VPS35L: variants seen among roughly 807,000 people sequenced by gnomAD.
VPS35L encodes VPS35 endosomal protein-sorting factor-like.
A neutral mutation model predicts 133.0 loss-of-function variants in VPS35L; 83 were observed. The ratio of observed to expected loss-of-function variants is 0.62; its 90% confidence interval spans 0.52 to 0.75. The LOEUF is 0.75. VPS35L is among the 30% of genes least tolerant of loss of function. The pLI is 0.00. For synonymous variants in VPS35L, 423 were observed against 449.9 expected (o/e 0.94, Z 0.76); for missense variants, 1,083 against 1,206.8 (o/e 0.90, Z 1.52).
intron 15 of VPS35L, among the ~76,000 whole-genome samples, chr16:19,626,847 C>T (rs1484275170): frequency 6.6e-6 from 1 of 152,160 alleles, no homozygotes; most frequent in Non-Finnish European, 1.5e-5. Flanking sequence ...ATTGATCTCC[C>T]TGACTCTCAC....
At chr16:19,694,803 T>G (rs1414696200) in intron 29 of VPS35L, among the ~76,000 whole-genome samples, 1 of 151,986 alleles carries the variant, frequency 6.6e-6, no homozygotes, top group African/African-American at 2.4e-5. Flanking sequence ...GTCAGAAGTT[T>G]GAGACCAGCC....
chr16:19,670,330 G>T (rs2151606338), intron 27 of VPS35L, among the ~76,000 whole-genome samples: 1 of 152,350 alleles, frequency 6.6e-6, no homozygotes, highest in Non-Finnish European at 1.5e-5. Context: ...GTGTCGCCCA[G>T]TGGGGAAGGG....
intron 14 of VPS35L, among the ~76,000 whole-genome samples, chr16:19,621,107 C>G (rs973072886): frequency 5.9e-5 from 9 of 152,004 alleles, no homozygotes; most frequent in Non-Finnish European, 1.3e-4. Context: ...TGTGTAATAA[C>G]ATGGAGAAGA....
At chr16:19,621,533 C>G (rs1973080949) in intron 14 of VPS35L, among the ~76,000 whole-genome samples, 1 of 152,216 alleles carries the variant, frequency 6.6e-6, no homozygotes, top group Non-Finnish European at 1.5e-5. Flanking sequence ...TCTGAATCTT[C>G]AAGTTCTGCT....
In VPS35L at chr16:19,699,724, T is replaced by G; in HGVS notation, c.2793+76T>G. 6.4e-7 allele frequency: 1 copy of G among 1,574,562 alleles called. No individual in the cohort carries two copies. Among genetic ancestry groups the G allele is most frequent in the South Asian group, 1.1e-5 (1 of 89,844 alleles). On this transcript the variant is annotated intron_variant, in intron 30 of 30. Coordinates refer to ENST00000417362, the MANE Select transcript of VPS35L (RefSeq NM_020314.7). This position sits in a 1 kb window ranked among gnomAD's most constrained non-coding sequence, Gnocchi z 4.2. ...CCACCCTCAACACAGCATTGTGGCC[T>G]GGACATCAGACAGACAACCCCATAC...
intron 27 of VPS35L, among the ~76,000 whole-genome samples, chr16:19,677,652 A>G (rs1975110071): frequency 6.6e-6 from 1 of 152,182 alleles, no homozygotes; most frequent in Non-Finnish European, 1.5e-5. Flanking sequence ...AGGAGGGCAC[A>G]GGGGATGCCC....
intron 2 of VPS35L, among the ~76,000 whole-genome samples, chr16:19,567,440 C>T (rs1189792680): frequency 6.6e-6 from 1 of 152,102 alleles, no homozygotes; most frequent in Non-Finnish European, 1.5e-5. Flanking sequence ...CAGAGTTCAC[C>T]CCACCAGGCC....
At chr16:19,602,639 G>A (rs1482773073) in intron 9 of VPS35L, among the ~76,000 whole-genome samples, 1 of 151,562 alleles carries the variant, frequency 6.6e-6, no homozygotes, top group African/African-American at 2.4e-5. Flanking sequence ...CTCTTGCTCT[G>A]TCACCCAGGC....
chr16:19,589,475 G>T (rs1250201132), intron 7 of VPS35L, among the ~76,000 whole-genome samples: 1 of 151,952 alleles, frequency 6.6e-6, no homozygotes, highest in Non-Finnish European at 1.5e-5. Flanking sequence ...AAACTCCTGG[G>T]CCCAGGCGAT....
intron 8 of VPS35L, 89 bp from the exon 9 acceptor site, chr16:19,601,575 A>G: frequency 1.5e-6 from 2 of 1,318,712 alleles, no homozygotes; most frequent in Non-Finnish European, 2.1e-6. Flanking sequence ...CTGGGCGATG[A>G]TAGCTCTGGG....
chr16:19,644,349 G>C (rs1597389380), intron 22 of VPS35L, among the ~76,000 whole-genome samples: 1 of 152,142 alleles, frequency 6.6e-6, no homozygotes, highest in Non-Finnish European at 1.5e-5. Flanking sequence ...GATTTCGATG[G>C]TGTATGGGTG....
chr16:19,572,738 A>G (rs893354905), intron 3 of VPS35L, among the ~76,000 whole-genome samples: 1 of 152,070 alleles, frequency 6.6e-6, no homozygotes, highest in Non-Finnish European at 1.5e-5. Flanking sequence ...ACTGGAGTGC[A>G]GTGGTACAAT....
chr16:19,573,243 T>G lies in VPS35L; in HGVS notation c.408+2T>G, dbSNP rs1408590137. The G allele has an allele frequency of 6.2e-7, 1 of 1,613,350 alleles. No homozygotes were observed. Among genetic ancestry groups the G allele is most frequent in the Admixed American group, 1.7e-5 (1 of 59,906 alleles). ...ACCACTACCGAAAAGCTGTCTATTG[T>G]GAGTACCAGGAGACCCTCTCCAGAG... On this transcript the variant is annotated splice_donor_variant, in intron 4 of 30. Transcript: ENST00000417362. LOFTEE classifies it high-confidence loss of function.
intron 14 of VPS35L, chr16:19,617,707 CTG>C (rs1972941749): frequency 6.6e-6 from 1 of 152,124 alleles, no homozygotes; most frequent in Non-Finnish European, 1.5e-5. Context: ...GTCATGAAGA[CTG>C]TGATAGGCCG....
In VPS35L at chr16:19,647,857, A is replaced by G; in HGVS notation, c.2003A>G (p.Glu668Gly). 6.2e-7 allele frequency: 1 copy of G among 1,613,940 alleles called. No homozygotes were observed. The highest frequency in any genetic ancestry group is 8.5e-7 in the Non-Finnish European group (1 of 1,179,928). ...TCCAGGTCGATGTTTTGCAATCTGG[A>G]GCCTGTTCTTGTGCAGTTGATTCAT... ...VESRSMFCNL[E>G]PVLVQLIHSV... The change falls in exon 24 of 31, where the codon GAG becomes GGG. Residue 668 changes from glutamate (E) to glycine (G), a missense_variant. Physicochemically the swap from Glu to Gly is moderately conservative, Grantham distance 98 (BLOSUM62 -2). Coordinates refer to ENST00000417362, the MANE Select transcript of VPS35L (RefSeq NM_020314.7).
At chr16:19,655,225 C>T (rs1480570372) in intron 26 of VPS35L, among the ~76,000 whole-genome samples, 1 of 152,170 alleles carries the variant, frequency 6.6e-6, no homozygotes, top group Non-Finnish European at 1.5e-5. Flanking sequence ...AATGTGGAGT[C>T]CACTTCATGT....
chr16:19,669,627 C>A (rs1309999204), intron 27 of VPS35L, among the ~76,000 whole-genome samples: 1 of 151,504 alleles, frequency 6.6e-6, no homozygotes, highest in Non-Finnish European at 1.5e-5. Flanking sequence ...TAGTGAGGAC[C>A]CACTTCCAGG....
intron 8 of VPS35L, among the ~76,000 whole-genome samples, chr16:19,593,487 G>A (rs1017249118): frequency 5.3e-4 from 80 of 152,292 alleles, no homozygotes; most frequent in African/African-American, 1.8e-3. Flanking sequence ...GCCTGAGTGC[G>A]CTAGCTAAAA....
chr16:19,698,522 G>A (rs1259801048), intron 29 of VPS35L, among the ~76,000 whole-genome samples: 1 of 152,154 alleles, frequency 6.6e-6, no homozygotes, highest in Non-Finnish European at 1.5e-5. Flanking sequence ...TTTGAATAAC[G>A]GGAAGGAATG....
Sources: gnomAD v4.1 joint callset for allele counts (sites outside exome capture counted in the v4.1 genomes callset) on GRCh38, gnomAD v4.1.1 for gene constraint, Gnocchi (gnomAD v3.1) non-coding constraint, MANE v1.5 for transcripts, NCBI Gene and HGNC (gene_info 2026-07-23, HGNC 2026-07-21) for gene names.